CNTNAP5: variants seen among roughly 807,000 people sequenced by gnomAD.
CNTNAP5 encodes the protein contactin-associated protein-like 5.
CNTNAP5 carries 72 observed loss-of-function variants against 150.2 expected under a neutral mutation model. That is an observed-to-expected ratio of 0.48 (90% CI 0.40 to 0.58). The LOEUF (loss-of-function observed/expected upper bound fraction) is 0.58. Ranked by LOEUF, CNTNAP5 falls within the 20% of genes least tolerant of loss-of-function variation. The pLI, the probability that CNTNAP5 is intolerant of heterozygous loss-of-function variation, is 0.00. For missense variants in CNTNAP5, 1,636 were observed against 1,626.2 expected, an observed-to-expected ratio of 1.01 and a Z score of -0.10; for synonymous variants, 672 against 619.8, an observed-to-expected ratio of 1.08 and a Z score of -1.25.
chr2:124,226,777 GTCAGGGTCC>G (rs1686470087), intron 2 of CNTNAP5, among the ~76,000 whole-genome samples: 1 of 151,964 alleles, frequency 6.6e-6, no homozygotes, highest in South Asian at 2.1e-4. Context: ...GGCAGATTTG[GTCAGGGTCC>G]TCTTGCTTAT....
intron 10 of CNTNAP5, among the ~76,000 whole-genome samples, chr2:124,561,008 C>A (rs949545514): frequency 3.3e-5 from 5 of 151,926 alleles, no homozygotes; most frequent in Non-Finnish European, 7.4e-5. Flanking sequence ...ATTGAGTGTG[C>A]TTTGCTCAGT....
At chr2:124,091,376 G>A (rs1682808589) in intron 1 of CNTNAP5, among the ~76,000 whole-genome samples, 1 of 152,178 alleles carries the variant, frequency 6.6e-6, no homozygotes. Flanking sequence ...ATGGACAGAT[G>A]TGAGAGAAGG....
chr2:124,070,959 G>A (rs1682289476), intron 1 of CNTNAP5, among the ~76,000 whole-genome samples: 1 of 151,884 alleles, frequency 6.6e-6, no homozygotes, highest in Admixed American at 6.6e-5. Flanking sequence ...CTCAATACAA[G>A]TCTTAAGATA....
At chr2:124,421,391 T>C (rs1444005805) in intron 4 of CNTNAP5, among the ~76,000 whole-genome samples, 1 of 152,232 alleles carries the variant, frequency 6.6e-6, no homozygotes, top group African/African-American at 2.4e-5. Flanking sequence ...TCCACTTGTC[T>C]ATGCAAAACT....
chr2:124,650,028 T>C (rs977602136), intron 13 of CNTNAP5, among the ~76,000 whole-genome samples: 3 of 152,232 alleles, frequency 2.0e-5, no homozygotes, highest in Non-Finnish European at 2.9e-5. Context: ...CCCCTGAAGA[T>C]GGCAACTTTA....
At chr2:124,306,432 C>A (rs1210791091) in intron 3 of CNTNAP5, among the ~76,000 whole-genome samples, 4 of 152,154 alleles carry the variant, frequency 2.6e-5, no homozygotes, top group Non-Finnish European at 1.5e-5. Context: ...TATGGAAATT[C>A]AGAACTGAGC....
chr2:124,459,588 CTAAAA>C (rs1693200609), intron 6 of CNTNAP5, among the ~76,000 whole-genome samples: 1 of 151,770 alleles, frequency 6.6e-6, no homozygotes, highest in African/African-American at 2.4e-5. Context: ...CCCATCTCTA[CTAAAA>C]ACACAAAAAT....
At chr2:124,719,266 C>G (rs370045961) in intron 13 of CNTNAP5, among the ~76,000 whole-genome samples, 2 of 152,340 alleles carry the variant, frequency 1.3e-5, no homozygotes, top group East Asian at 3.9e-4. Flanking sequence ...TCACCTCCTA[C>G]AACGACCAGC....
At chr2:124,042,113 G>A (rs971364772) in intron 1 of CNTNAP5, among the ~76,000 whole-genome samples, 9 of 152,040 alleles carry the variant, frequency 5.9e-5, no homozygotes, top group South Asian at 2.1e-4. Flanking sequence ...CACCTGCCTC[G>A]GCCCCGCAAA....
At chr2:124,399,486 G>C (rs775553934) in intron 3 of CNTNAP5, among the ~76,000 whole-genome samples, 7 of 152,112 alleles carry the variant, frequency 4.6e-5, no homozygotes, top group African/African-American at 7.2e-5. Flanking sequence ...GGACAGGCAA[G>C]TTGGGGCTTT....
chr2:124,493,599 C>T (rs1694081091), intron 7 of CNTNAP5, among the ~76,000 whole-genome samples: 1 of 152,074 alleles, frequency 6.6e-6, no homozygotes, highest in Admixed American at 6.6e-5. Flanking sequence ...CTCTGCCTCC[C>T]AAGTTCTGGG....
At chr2:124,496,643 G>A (rs984010420) in intron 7 of CNTNAP5, among the ~76,000 whole-genome samples, 2 of 152,216 alleles carry the variant, frequency 1.3e-5, no homozygotes, top group Admixed American at 6.5e-5. Context: ...AAGCTAAGCA[G>A]AACTTCAAGC....
intron 1 of CNTNAP5, among the ~76,000 whole-genome samples, chr2:124,132,394 A>C (rs1205414661): frequency 6.6e-6 from 1 of 152,132 alleles, no homozygotes; most frequent in African/African-American, 2.4e-5. Flanking sequence ...TAGAGTTAAG[A>C]TTTTCTTGCA....
At chr2:124,190,391 G>A (rs192983419) in intron 1 of CNTNAP5, among the ~76,000 whole-genome samples, 13 of 152,218 alleles carry the variant, frequency 8.5e-5, no homozygotes, top group East Asian at 7.7e-4. Flanking sequence ...AGATGAGTGC[G>A]TGAGTTTCCA....
chr2:124,113,931 A>C (rs764752679), intron 1 of CNTNAP5, among the ~76,000 whole-genome samples: 20 of 151,788 alleles, frequency 1.3e-4, no homozygotes, highest in Admixed American at 2.0e-4. Context: ...CTCTCTATAT[A>C]TATATATATG....
chr2:124,588,858 C>A (rs1475426519), intron 11 of CNTNAP5, among the ~76,000 whole-genome samples: 2 of 151,982 alleles, frequency 1.3e-5, no homozygotes, highest in African/African-American at 2.4e-5. Context: ...CTTTCTTTGC[C>A]TTTCTCACAG....
intron 13 of CNTNAP5, among the ~76,000 whole-genome samples, chr2:124,716,864 A>G (rs1015343159): frequency 2.6e-5 from 4 of 152,130 alleles, no homozygotes; most frequent in Non-Finnish European, 5.9e-5. Context: ...GGAAATACCC[A>G]TCTCTTGGGA....
chr2:124,741,330 A>G lies in CNTNAP5; in HGVS notation c.2078-5899A>G, dbSNP rs180937204. Among the ~76,000 whole-genome samples the G allele has an allele frequency of 4.6e-4, 70 of 152,284 alleles. 1 individual carries two copies. The highest frequency in any genetic ancestry group is 3.4e-3 in the Middle Eastern group (1 of 294). ...CTGTTCATAGCAACGGGAAGAGGCC[A>G]GATTCTCTTGGCCGTAGCTGCAGTT... On this transcript the variant is annotated intron_variant, in intron 13 of 23. Coordinates refer to ENST00000682447, the MANE Select transcript of CNTNAP5 (RefSeq NM_001367498.1).
At chr2:124,551,542 C>A (rs1504011) in intron 10 of CNTNAP5, among the ~76,000 whole-genome samples, 149,288 of 152,302 alleles carry the variant, frequency 0.98, 73,252 homozygotes, top group East Asian at 1. Flanking sequence ...TTAATGTATG[C>A]GCTTCATAAC....
Sources: gnomAD v4.1 joint callset for allele counts (sites outside exome capture counted in the v4.1 genomes callset) on GRCh38, gnomAD v4.1.1 for gene constraint, MANE v1.5 for transcripts, NCBI Gene and HGNC (gene_info 2026-07-23, HGNC 2026-07-21) for gene names.